Variants in VDAC2 observed in about 807,000 individuals in gnomAD.
The protein encoded by VDAC2 is voltage dependent anion channel 2.
A neutral mutation model predicts 36.6 loss-of-function variants in VDAC2; 6 were observed. The observed-to-expected ratio is 0.16, with a 90% CI of 0.09 to 0.32. The LOEUF (loss-of-function observed/expected upper bound fraction) is 0.32, where lower values mean the gene tolerates loss of function less well. Among genes scored for constraint, VDAC2 ranks in the 10% least tolerant of loss-of-function variants. The probability of loss-of-function intolerance (pLI) is 1.00; values close to 1 mark genes in which losing one functional copy is unlikely to be tolerated. For synonymous variants in VDAC2, 109 were observed against 123.8 expected, an observed-to-expected ratio of 0.88 and a Z score of 0.79; for missense variants, 247 against 346.0, an observed-to-expected ratio of 0.71 and a Z score of 2.27.
In VDAC2 at chr10:75,230,964, G is replaced by T; in HGVS notation, c.860G>T (p.Gly287Val). The T allele has an allele frequency of 6.2e-7, 1 of 1,612,706 alleles. No homozygotes were observed. Among genetic ancestry groups the T allele is most frequent in the Non-Finnish European group, 8.5e-7 (1 of 1,179,696 alleles). ...KSINAGGHKV[G>V]LALELEA Reference sequence around the variant, plus strand: ...ATTAATGCTGGAGGCCACAAGGTTGGGCTCGCCCTGGAGTTGGAGGCTTAA... The same window carrying T: ...ATTAATGCTGGAGGCCACAAGGTTGTGCTCGCCCTGGAGTTGGAGGCTTAA... The change falls in exon 10 of 10, where the codon GGG becomes GTG. Residue 287 changes from glycine to valine, a missense_variant. Transcript: ENST00000332211.
chr10:75,214,910 T>C (rs1841550914), intron 4 of VDAC2, among the ~76,000 whole-genome samples: 1 of 152,194 alleles, frequency 6.6e-6, no homozygotes, highest in Non-Finnish European at 1.5e-5. Context: ...TAAACTAATA[T>C]TTAACTTTTT....
chr10:75,211,223 G>A (rs1434696668), intron 2 of VDAC2, 34 bp downstream of exon 2: 1 of 1,609,440 alleles, frequency 6.2e-7, no homozygotes, highest in Non-Finnish European at 8.5e-7. Flanking sequence ...GGGATGGGGC[G>A]GCGGAGAGTC....
intron 4 of VDAC2, among the ~76,000 whole-genome samples, chr10:75,215,743 A>G (rs372259174): frequency 2.0e-5 from 3 of 146,882 alleles, no homozygotes; most frequent in East Asian, 2.0e-4. Flanking sequence ...TTCCTCTGAG[A>G]CGCAGTCTTG....
At chr10:75,211,021 GC>G (rs1841397228) in intron 1 of VDAC2, 83 bp downstream of exon 1, 1 of 1,036,842 alleles carries the variant, frequency 9.6e-7, no homozygotes, top group African/African-American at 1.7e-5. Context: ...CTCGGAGTCG[GC>G]CCTGGCTTCC....
At chr10:75,226,227 C>CT (rs1841947823) in intron 8 of VDAC2, among the ~76,000 whole-genome samples, 1 of 151,774 alleles carries the variant, frequency 6.6e-6, no homozygotes, top group South Asian at 2.1e-4. Flanking sequence ...ATATATGGAC[C>CT]TTTTTGCTGT....
chr10:75,213,838 C>G (rs536474575), intron 3 of VDAC2, among the ~76,000 whole-genome samples, 183 bp from the exon 4 acceptor site: 52 of 152,242 alleles, frequency 3.4e-4, no homozygotes, highest in African/African-American at 1.2e-3. Context: ...TAATTCTGCC[C>G]TTTATAAGCC....
chr10:75,211,224 G>A (rs963464898), intron 2 of VDAC2, 35 bp downstream of exon 2: 2 of 1,608,774 alleles, frequency 1.2e-6, no homozygotes, highest in Non-Finnish European at 1.7e-6. Flanking sequence ...GGATGGGGCG[G>A]CGGAGAGTCG....
chr10:75,214,746 A>G (rs1230100715), intron 4 of VDAC2, among the ~76,000 whole-genome samples: 1 of 152,206 alleles, frequency 6.6e-6, no homozygotes, highest in Non-Finnish European at 1.5e-5. Flanking sequence ...GCTGGTCTCC[A>G]ACTCCTGACC....
chr10:75,229,442 G>T (rs1842045907), intron 8 of VDAC2: 1 of 460,186 alleles, frequency 2.2e-6, no homozygotes, highest in Admixed American at 4.2e-5. Flanking sequence ...AGAGTATTGT[G>T]TCCTACTGAG....
chr10:75,223,180 G>T (rs531354733), intron 8 of VDAC2, among the ~76,000 whole-genome samples: 2 of 151,580 alleles, frequency 1.3e-5, no homozygotes, highest in African/African-American at 2.4e-5. Context: ...GATGGGATTT[G>T]TTGGCCAGAC....
At chr10:75,211,066 C>T (rs1413529407) in intron 1 of VDAC2, 68 bp from the exon 2 acceptor site, 15 of 1,436,560 alleles carry the variant, frequency 1.0e-5, no homozygotes, top group Non-Finnish European at 1.4e-5. Context: ...GCCCCTCGCC[C>T]CTCTCTGCCC....
At chr10:75,212,585 A>AT (rs112598297) in intron 3 of VDAC2, among the ~76,000 whole-genome samples, 63 of 151,922 alleles carry the variant, frequency 4.1e-4, no homozygotes, top group African/African-American at 1.5e-3. Flanking sequence ...CACCTGGCTA[A>AT]TTTTTTTTAT....
intron 8 of VDAC2, among the ~76,000 whole-genome samples, chr10:75,228,953 GTC>G (rs1564716759): frequency 2.1e-3 from 315 of 152,328 alleles, no homozygotes; most frequent in African/African-American, 7.1e-3. Context: ...AGCCCTTGAA[GTC>G]GGTAACTAAG....
Position 75,211,423 on chromosome 10 carries a change from G to GTACA in VDAC2, c.31+236_31+239dup, listed in dbSNP as rs1338420918. On this transcript the variant is annotated intron_variant, in intron 2 of 9. Transcript: ENST00000332211. ...TGGCCGCATGGACTTTTCAGCCTTT[G>GTACA]TACATGTCTTTGACGTATAGAAGTA... The GTACA allele has an allele frequency of 3.4e-6, 5 of 1,467,406 alleles. No homozygotes were observed. In the East Asian group the frequency reaches 1.2e-4, roughly 37 times the overall value. The allele number at this position is 1,467,406 out of a possible 1,614,324, so 90.9% of individuals were successfully genotyped here.
intron 9 of VDAC2, 36 bp downstream of exon 9, chr10:75,229,737 G>T: frequency 1.3e-6 from 2 of 1,520,994 alleles, no homozygotes; most frequent in Non-Finnish European, 8.8e-7. Flanking sequence ...TGTTTTGATA[G>T]TATTAAAAAA....
intron 8 of VDAC2, among the ~76,000 whole-genome samples, chr10:75,227,219 G>A (rs1025393918): frequency 6.6e-6 from 1 of 152,150 alleles, no homozygotes; most frequent in South Asian, 2.1e-4. Flanking sequence ...CCTGAGTTCT[G>A]TGTGCCACCC....
intron 7 of VDAC2, among the ~76,000 whole-genome samples, chr10:75,221,576 C>CA (rs202239905): frequency 0.01 from 1,532 of 152,236 alleles, 27 homozygotes; most frequent in African/African-American, 0.035. Flanking sequence ...CGTGATCTGC[C>CA]AAAGTGCTGG....
In VDAC2 at chr10:75,211,126, T is replaced by G; in HGVS notation, c.-25-8T>G. The G allele has an allele frequency of 8.1e-6, 13 of 1,606,378 alleles. No homozygotes were observed. The highest frequency in any genetic ancestry group is 4.3e-6 in the Non-Finnish European group (5 of 1,176,398). On this transcript the variant is annotated splice_polypyrimidine_tract_variant and splice_region_variant and intron_variant, in intron 1 of 9. Coordinates refer to ENST00000332211, the MANE Select transcript of VDAC2 (RefSeq NM_001391963.1). ...CCCAGCTTACCGCACTTCTTGTCCC[T>G]CCCGCAGATTCCCCTCTTCCCGCGG...
chr10:75,211,269 CTA>C, intron 2 of VDAC2, 80 bp downstream of exon 2: 1 of 1,554,770 alleles, frequency 6.4e-7, no homozygotes, highest in African/African-American at 1.4e-5. Flanking sequence ...TTGTTTCCCC[CTA>C]TCTTTCCAAG....
Sources: gnomAD v4.1 joint callset for allele counts (sites outside exome capture counted in the v4.1 genomes callset) on GRCh38, gnomAD v4.1.1 for gene constraint, MANE v1.5 for transcripts, NCBI Gene and HGNC (gene_info 2026-07-23, HGNC 2026-07-21) for gene names.